The following ELSPBP1 variants were observed in gnomAD, a reference collection of about 807,000 sequenced individuals.
ELSPBP1 encodes epididymal sperm binding protein 1, also known as epididymal sperm-binding protein 1.
ELSPBP1 carries 38 observed loss-of-function variants against 33.3 expected under a neutral mutation model. The observed-to-expected ratio is 1.14, with a 90% confidence interval of 0.88 to 1.50. The LOEUF is 1.50. Ranked by LOEUF, ELSPBP1 falls within the 40% of genes most tolerant of loss-of-function variation. The pLI is 0.00. For missense variants in ELSPBP1, 267 were observed against 263.5 expected (o/e 1.01, Z -0.09); for synonymous variants, 85 against 94.1 (o/e 0.90, Z 0.56).
At chr19:48,023,338 GA>G (rs2122341713) in intron 6 of ELSPBP1, among the ~76,000 whole-genome samples, 1 of 132,470 alleles carries the variant, frequency 7.5e-6, no homozygotes, top group Non-Finnish European at 1.6e-5. Context: ...AGAAGGAAGG[GA>G]GGGAGGAAGG....
At chr19:47,998,363 A>G (rs1966931435) in intron 1 of ELSPBP1, among the ~76,000 whole-genome samples, 1 of 151,626 alleles carries the variant, frequency 6.6e-6, no homozygotes, top group Non-Finnish European at 1.5e-5. Context: ...GTGAGCTTAG[A>G]TCGTGCCACT....
Position 48,014,181 on chromosome 19 carries a change from G to A in ELSPBP1, c.81G>A (p.Glu27=), listed in dbSNP as rs768951502. 11 of 1,613,408 alleles carry A rather than the reference G, an allele frequency of 6.8e-6. No homozygotes were observed. The highest frequency in any genetic ancestry group is 1.1e-5 in the South Asian group (1 of 91,002). The part of the protein sequence containing the change: ...YSYESSGGMH[E]ECVFPFTYKG... ...CCTTCTGCCCTTCAGGGATGCATGA[G>A]GAATGTGTCTTTCCTTTCACCTACA... Residue 27 remains glutamate (E), a synonymous_variant, in exon 3 of 7, where the codon GAG becomes GAA. Coordinates refer to ENST00000339841, the MANE Select transcript of ELSPBP1 (RefSeq NM_022142.5).
At chr19:48,001,472 C>T (rs1251136514) in intron 1 of ELSPBP1, among the ~76,000 whole-genome samples, 1 of 151,940 alleles carries the variant, frequency 6.6e-6, no homozygotes, top group Non-Finnish European at 1.5e-5. Flanking sequence ...TTATAAGGGC[C>T]CTTGTGATGA....
intron 4 of ELSPBP1, among the ~76,000 whole-genome samples, chr19:48,018,600 T>C (rs1600111151): frequency 6.6e-6 from 1 of 152,278 alleles, no homozygotes; most frequent in East Asian, 1.9e-4. Context: ...CATACAATAA[T>C]CTCTATCAGG....
intron 1 of ELSPBP1, among the ~76,000 whole-genome samples, chr19:48,007,173 G>C (rs542260265): frequency 1.2e-4 from 18 of 152,062 alleles, no homozygotes; most frequent in Non-Finnish European, 2.1e-4. Context: ...AGGTCTAATT[G>C]GACCCTCGTG....
At chr19:48,014,703 A>G (rs1967113572) in intron 3 of ELSPBP1, among the ~76,000 whole-genome samples, 2 of 151,818 alleles carry the variant, frequency 1.3e-5, no homozygotes, top group Non-Finnish European at 2.9e-5. Flanking sequence ...ATCAGTGATA[A>G]TGTAATGGGT....
At chr19:47,998,579 G>T (rs560218132) in intron 1 of ELSPBP1, among the ~76,000 whole-genome samples, 1 of 152,002 alleles carries the variant, frequency 6.6e-6, no homozygotes, top group Non-Finnish European at 1.5e-5. Flanking sequence ...GAGGTCAGGA[G>T]ATCGAGACCA....
At chr19:48,020,039 T>C (rs1815045400) in intron 5 of ELSPBP1, among the ~76,000 whole-genome samples, 162 bp downstream of exon 5, 1 of 152,142 alleles carries the variant, frequency 6.6e-6, no homozygotes, top group African/African-American at 2.4e-5. Flanking sequence ...ATAATGTCAA[T>C]GATGTGATAT....
chr19:48,024,112 G>A lies in ELSPBP1; in HGVS notation c.*8-840G>A, dbSNP rs1651646624. On this transcript the variant is annotated intron_variant, in intron 6 of 6. Transcript: ENST00000339841. ...TTGGCCAGGCTGGTCTCAAACTCCTGACCTCAGGTGATCCATCCAACTCGG... is the reference window on the plus strand; with the variant it reads ...TTGGCCAGGCTGGTCTCAAACTCCTAACCTCAGGTGATCCATCCAACTCGG... Among the ~76,000 whole-genome samples the A allele has an allele frequency of 2.0e-5, 3 of 148,982 alleles. No homozygotes were observed. In the East Asian group the frequency reaches 5.9e-4, roughly 29 times the overall value.
chr19:47,995,479 C>A (rs547860586), intron 1 of ELSPBP1, among the ~76,000 whole-genome samples: 1 of 152,324 alleles, frequency 6.6e-6, no homozygotes, highest in East Asian at 1.9e-4. Flanking sequence ...GTAAGGCTTA[C>A]TCTCCCTATT....
At chr19:48,014,136 C>A in intron 2 of ELSPBP1, 35 bp from the exon 3 acceptor site, 1 of 1,604,214 alleles carries the variant, frequency 6.2e-7, no homozygotes, top group Non-Finnish European at 8.5e-7. Flanking sequence ...CATCGTGATT[C>A]TTCCCCACTC....
At position 48,014,156 on chromosome 19, in the gene ELSPBP1, CCTT is replaced by C; in HGVS notation, c.71-12_71-10del. ...TGATTCTTCCCCACTCCTGTTTTCT[CCTT>C]CTGCCCTTCAGGGATGCATGAGGAA... is the stretch of plus-strand genomic sequence containing the variant. On this transcript the variant is annotated splice_polypyrimidine_tract_variant and intron_variant, in intron 2 of 6. Transcript: ENST00000339841. 1 of 1,611,618 alleles carries C rather than the reference CCTT, an allele frequency of 6.2e-7. No individual in the cohort carries two copies. The highest frequency in any genetic ancestry group is 1.1e-5 in the South Asian group (1 of 90,762).
chr19:48,015,951 C>G lies in ELSPBP1; in HGVS notation c.267C>G (p.Ile89Met). 1 of 1,613,916 alleles carries G rather than the reference C, an allele frequency of 6.2e-7. No homozygotes were observed. Among genetic ancestry groups the G allele is most frequent in the Non-Finnish European group, 8.5e-7 (1 of 1,179,834 alleles). The change falls in exon 4 of 7, where the codon ATC (isoleucine) becomes ATG (methionine). Residue 89 changes from isoleucine (I) to methionine (M), a missense_variant. Coordinates refer to ENST00000339841, the MANE Select transcript of ELSPBP1 (RefSeq NM_022142.5). ...GAGGAAAGGCTTATAACAGCTGCATCTCCCAGGGCAGCTTCTTAGGCAGTC... is the reference window on the plus strand; with the variant it reads ...GAGGAAAGGCTTATAACAGCTGCATGTCCCAGGGCAGCTTCTTAGGCAGTC... ...IYRGKAYNSC[I>M]SQGSFLGSLW...
chr19:48,008,749 C>A lies in ELSPBP1; in HGVS notation c.70+12C>A. 1 of 1,609,528 alleles carries A rather than the reference C, an allele frequency of 6.2e-7. No homozygotes were observed. The highest frequency in any genetic ancestry group is 1.1e-5 in the South Asian group (1 of 90,812). On this transcript the variant is annotated intron_variant, in intron 2 of 6. Transcript: ENST00000339841. ...TGAGTCAAGTGGAGGTAAGGACACTCAAAGCAACAGGGAGGATTTAGAAGC... is the reference window on the plus strand; with the variant it reads ...TGAGTCAAGTGGAGGTAAGGACACTAAAAGCAACAGGGAGGATTTAGAAGC...
rs1286611087 is a variant in ELSPBP1 at position 48,014,296 on chromosome 19, T to A, written c.196T>A (p.Cys66Ser). Reference sequence around the variant, plus strand: ...CGTGTACAACGGCCAGTGGAAGTACTGCCAGAGTGAAGGTGAGTGGTATCA... The same window carrying A: ...CGTGTACAACGGCCAGTGGAAGTACAGCCAGAGTGAAGGTGAGTGGTATCA... ...RAVYNGQWKY[C>S]QSEDYPRCIF... The change falls in exon 3 of 7, where the codon TGC (cysteine) becomes AGC (serine). Residue 66 changes from cysteine (C) to serine (S), a missense_variant. Cys to Ser is a moderately radical substitution (Grantham distance 112, BLOSUM62 -1). Transcript: ENST00000339841. The A allele has an allele frequency of 1.2e-6, 2 of 1,613,760 alleles. No homozygotes were observed. The highest frequency in any genetic ancestry group is 1.3e-5 in the African/African-American group (1 of 74,918).
In ELSPBP1 at chr19:48,020,866, T is replaced by C. The variant is rs1449734683; in HGVS notation, c.514+989T>C. 2.6e-5 allele frequency among the ~76,000 whole-genome samples: 4 copies of C among 152,202 alleles called. No individual in the cohort carries two copies. In the East Asian group the frequency reaches 7.7e-4, roughly 29 times the overall value. On this transcript the variant is annotated intron_variant, in intron 5 of 6. Transcript: ENST00000339841. ...TGGGCAAAGAGGAACTAGAAGGAGT[T>C]ATATTTCTGCGCCACTCCGGGCAAG... is the stretch of plus-strand genomic sequence containing the variant.
Position 48,014,307 on chromosome 19 carries a change from A to C in ELSPBP1, c.207A>C (p.Glu69Asp), listed in dbSNP as rs1386026663. 4 of 1,613,542 alleles carry C rather than the reference A, an allele frequency of 2.5e-6. No homozygotes were observed. Among genetic ancestry groups the C allele is most frequent in the Non-Finnish European group, 2.5e-6 (3 of 1,179,866 alleles). Residue 69 changes from glutamate to aspartate, a missense_variant and splice_region_variant, in exon 3 of 7, where the codon GAA becomes GAC. By Grantham distance (45) the Glu-to-Asp change is conservative. Coordinates refer to ENST00000339841, the MANE Select transcript of ELSPBP1 (RefSeq NM_022142.5). Reference protein sequence around the residue: ...YNGQWKYCQSEDYPRCIFPFI... With the variant: ...YNGQWKYCQSDDYPRCIFPFI... ...GCCAGTGGAAGTACTGCCAGAGTGA[A>C]GGTGAGTGGTATCACATTGTCCCTG...
rs2033772128 is a variant in ELSPBP1 at position 48,015,821 on chromosome 19, T to TGA, written c.209-71_209-70dup. ...TCTGTCCTGTCCTATGATGGTTGAT[T>TGA]GATGATTAAATGACTCTGTCCTGTG... On this transcript the variant is annotated intron_variant, in intron 3 of 6. Transcript: ENST00000339841. 5 of 1,419,284 alleles carry TGA rather than the reference T, an allele frequency of 3.5e-6. No homozygotes were observed. In the Admixed American group the frequency reaches 9.1e-5, roughly 26 times the overall value. 87.9% of individuals were successfully genotyped at this position (1,419,284 alleles called of 1,614,324 possible).
At chr19:48,002,097 C>T (rs959729647) in intron 1 of ELSPBP1, among the ~76,000 whole-genome samples, 2 of 152,094 alleles carry the variant, frequency 1.3e-5, no homozygotes, top group African/African-American at 2.4e-5. Context: ...ACCCACCAAG[C>T]GTCTATGAAC....
Sources: allele counts gnomAD v4.1 joint callset (sites outside exome capture counted in the v4.1 genomes callset), GRCh38; gene constraint gnomAD v4.1.1; transcripts MANE v1.5; gene names NCBI Gene and HGNC (gene_info 2026-07-23, HGNC 2026-07-21).